Variants in HIVEP3 observed in about 807,000 individuals in gnomAD.
HIVEP3 encodes the protein transcription factor HIVEP3.
Under a neutral mutation model 152.8 loss-of-function variants are expected in HIVEP3, and 49 were observed. That is an observed-to-expected ratio of 0.32 (90% CI 0.26 to 0.41). The LOEUF is 0.41. Among genes scored for constraint, HIVEP3 ranks in the 10% least tolerant of loss-of-function variants. HIVEP3 has a pLI of 1.00. For synonymous variants in HIVEP3, 1,269 were observed against 1,289.0 expected (o/e 0.98, Z 0.33); for missense variants, 2,790 against 3,103.3 (o/e 0.90, Z 2.40).
intron 1 of HIVEP3, among the ~76,000 whole-genome samples, chr1:41,772,872 C>T (rs1648466522): frequency 6.6e-6 from 1 of 152,144 alleles, no homozygotes; most frequent in African/African-American, 2.4e-5. Context: ...TGCCACTGCA[C>T]TCCAACCGGG....
At chr1:41,515,613 T>C (rs1642579732) in intron 7 of HIVEP3, among the ~76,000 whole-genome samples, 1 of 152,196 alleles carries the variant, frequency 6.6e-6, no homozygotes, top group Non-Finnish European at 1.5e-5. Flanking sequence ...GAGTCAGAAC[T>C]AAGGTTTACA....
chr1:41,577,482 G>A (rs1412911935), intron 4 of HIVEP3, among the ~76,000 whole-genome samples: 1 of 152,136 alleles, frequency 6.6e-6, no homozygotes, highest in Non-Finnish European at 1.5e-5. Context: ...ACAGTGCTGT[G>A]TTGTTGTCAA....
intron 3 of HIVEP3, among the ~76,000 whole-genome samples, chr1:41,601,764 G>A (rs978627411): frequency 1.3e-5 from 2 of 152,132 alleles, no homozygotes; most frequent in East Asian, 3.9e-4. Context: ...AGGACTTCCA[G>A]TACTGTCTTG....
chr1:41,692,287 T>A (rs1646210084), intron 2 of HIVEP3, among the ~76,000 whole-genome samples: 1 of 152,182 alleles, frequency 6.6e-6, no homozygotes, highest in East Asian at 1.9e-4. Flanking sequence ...GTTTTGCACT[T>A]TTTGTTTGGT....
At chr1:41,916,271 T>C (rs961859272) in intron 1 of HIVEP3, among the ~76,000 whole-genome samples, 1 of 152,180 alleles carries the variant, frequency 6.6e-6, no homozygotes, top group Non-Finnish European at 1.5e-5. Flanking sequence ...ATAGTGCCAG[T>C]TGAGCACATC....
chr1:41,891,103 C>T (rs1366965062), intron 1 of HIVEP3, among the ~76,000 whole-genome samples: 1 of 152,186 alleles, frequency 6.6e-6, no homozygotes, highest in African/African-American at 2.4e-5. Flanking sequence ...GCCAGAAGGA[C>T]TGCCCTGCTT....
At chr1:41,521,853 TGCAAGG>T (rs771637875) in intron 6 of HIVEP3, among the ~76,000 whole-genome samples, 45 of 152,168 alleles carry the variant, frequency 3.0e-4, no homozygotes, top group Non-Finnish European at 5.9e-4. Flanking sequence ...AGGCGATCGG[TGCAAGG>T]GCCTGGACAT....
intron 1 of HIVEP3, among the ~76,000 whole-genome samples, chr1:41,815,434 G>A (rs570872545): frequency 5.3e-5 from 8 of 152,262 alleles, no homozygotes; most frequent in Admixed American, 3.3e-4. Flanking sequence ...TCACACCACC[G>A]CACTCCAGCC....
intron 1 of HIVEP3, among the ~76,000 whole-genome samples, chr1:41,820,394 G>T (rs1642557897): frequency 6.6e-6 from 1 of 152,118 alleles, no homozygotes; most frequent in African/African-American, 2.4e-5. Context: ...AACACATGCT[G>T]TTCTCACAGG....
chr1:41,541,087 G>T (rs892243101), intron 5 of HIVEP3, among the ~76,000 whole-genome samples: 2 of 152,126 alleles, frequency 1.3e-5, no homozygotes, highest in African/African-American at 4.8e-5. Flanking sequence ...TTAGGCATGG[G>T]GTGTTGATGC....
At chr1:41,576,057 C>T (rs1233460899) in intron 4 of HIVEP3, among the ~76,000 whole-genome samples, 2 of 152,232 alleles carry the variant, frequency 1.3e-5, no homozygotes, top group African/African-American at 2.4e-5. Flanking sequence ...GGGCCTGTCT[C>T]AGAGAAGAGG....
chr1:41,955,942 C>T (rs1181891184), intron 1 of HIVEP3, among the ~76,000 whole-genome samples: 2 of 152,204 alleles, frequency 1.3e-5, no homozygotes, highest in Non-Finnish European at 1.5e-5. Flanking sequence ...TGGAACTCTT[C>T]TACAGTCAAA....
intron 1 of HIVEP3, among the ~76,000 whole-genome samples, chr1:41,828,346 C>T (rs899016149): frequency 6.6e-6 from 1 of 152,242 alleles, no homozygotes; most frequent in Non-Finnish European, 1.5e-5. Context: ...GAGCCAAGTT[C>T]TAACCACACC....
chr1:41,572,204 T>C (rs4509569), intron 5 of HIVEP3, among the ~76,000 whole-genome samples: 27,539 of 152,096 alleles, frequency 0.18, 3,087 homozygotes, highest in Non-Finnish European at 0.27. Context: ...AAAACCAGTG[T>C]CTGCAGTTCA....
At chr1:41,534,142 GCCT>G (rs1399888925) in intron 5 of HIVEP3, among the ~76,000 whole-genome samples, 1 of 151,994 alleles carries the variant, frequency 6.6e-6, no homozygotes, top group African/African-American at 2.4e-5. Context: ...CTATACCACT[GCCT>G]CCTTTCTTCA....
chr1:41,792,824 T>C (rs1173567467), intron 1 of HIVEP3, among the ~76,000 whole-genome samples: 2 of 152,190 alleles, frequency 1.3e-5, no homozygotes, highest in African/African-American at 4.8e-5. Context: ...AAGGAGAACT[T>C]CCAGAACCAT....
intron 1 of HIVEP3, among the ~76,000 whole-genome samples, chr1:41,800,923 A>G (rs1056327732): frequency 1.3e-5 from 2 of 152,164 alleles, no homozygotes; most frequent in African/African-American, 2.4e-5. Flanking sequence ...CTGCCTACCT[A>G]AACTCCCTCC....
chr1:42,002,644 G>A (rs1018128022), intron 1 of HIVEP3, among the ~76,000 whole-genome samples: 1 of 152,208 alleles, frequency 6.6e-6, no homozygotes, highest in African/African-American at 2.4e-5. Flanking sequence ...AGCAGATCCA[G>A]TGGGGCCTGC....
intron 1 of HIVEP3, among the ~76,000 whole-genome samples, chr1:41,805,451 C>A (rs190325511): frequency 3.3e-5 from 5 of 152,236 alleles, no homozygotes; most frequent in Non-Finnish European, 7.3e-5. Flanking sequence ...TCTACACGTG[C>A]CCTTCCATGG....
Sources: gnomAD v4.1 joint callset for allele counts (sites outside exome capture counted in the v4.1 genomes callset) on GRCh38, gnomAD v4.1.1 for gene constraint, MANE v1.5 for transcripts, NCBI Gene and HGNC (gene_info 2026-07-23, HGNC 2026-07-21) for gene names.